Variants in ADD2 observed in about 807,000 individuals in gnomAD.
The protein encoded by ADD2 is adducin 2, also known as beta-adducin.
A neutral mutation model predicts 83.0 loss-of-function variants in ADD2; 23 were observed. The ratio of observed to expected loss-of-function variants is 0.28; its 90% confidence interval spans 0.20 to 0.39. The LOEUF is 0.39. ADD2 is among the 10% of genes least tolerant of loss of function. The probability of loss-of-function intolerance (pLI) is 1.00; values close to 1 mark genes in which losing one functional copy is unlikely to be tolerated. For missense variants in ADD2, 758 were observed against 944.9 expected (o/e 0.80, Z 2.59); for synonymous variants, 375 against 375.4 (o/e 1.00, Z 0.01).
At chr2:70,726,152 A>C (rs1553378224) in intron 1 of ADD2, among the ~76,000 whole-genome samples, 1 of 127,000 alleles carries the variant, frequency 7.9e-6, no homozygotes, top group Non-Finnish European at 1.5e-5. Flanking sequence ...CCGCCACGGC[A>C]CTCCAGCCTG....
chr2:70,685,986 C>A lies in ADD2; in HGVS notation c.948+2038G>T, dbSNP rs374688607. On this transcript the variant is annotated intron_variant, in intron 9 of 15. Coordinates refer to ENST00000264436, the MANE Select transcript of ADD2 (RefSeq NM_001617.4). ...GATGGGGATCAGAGAGAACACCATC[C>A]CCAGGAGAAATAAATAGGCTCTCAG... 2.0e-4 allele frequency among the ~76,000 whole-genome samples: 30 copies of A among 152,310 alleles called. No individual in the cohort carries two copies. In the South Asian group the frequency reaches 3.5e-3, roughly 18 times the overall value.
Position 70,659,062 on chromosome 2 carries a change from G to A in ADD2, c.*4363C>T, listed in dbSNP as rs1553364570. On this transcript the variant is annotated 3_prime_UTR_variant, in exon 16 of 16. Coordinates refer to ENST00000264436, the MANE Select transcript of ADD2 (RefSeq NM_001617.4). ...GGAGGCTGAGACAGAAGAATCGCTT[G>A]AAAAACCGGGAGGCAGAGGTTGCAG... 3 of 138,594 alleles carry A rather than the reference G, an allele frequency of 2.2e-5. No homozygotes were observed. Among genetic ancestry groups the A allele is most frequent in the African/African-American group, 7.9e-5 (3 of 37,882 alleles). 8.6% of individuals were successfully genotyped at this position (138,594 alleles called of 1,614,324 possible). A position where few individuals can be genotyped will look rare whatever the true frequency, so the allele number is the denominator to read the frequency against.
chr2:70,719,021 C>A (rs908381972), intron 1 of ADD2, among the ~76,000 whole-genome samples: 3 of 152,218 alleles, frequency 2.0e-5, no homozygotes, highest in Non-Finnish European at 4.4e-5. Flanking sequence ...TCTTCCCCAG[C>A]ACAGAAATGG....
At chr2:70,723,979 G>C (rs183331691) in intron 1 of ADD2, among the ~76,000 whole-genome samples, 164 of 152,314 alleles carry the variant, frequency 1.1e-3, no homozygotes, top group Admixed American at 2.3e-3. Flanking sequence ...TTCATATACT[G>C]GTTAGCAAAC....
chr2:70,696,213 T>C (rs782127296), intron 5 of ADD2, 32 bp downstream of exon 5: 1 of 1,600,576 alleles, frequency 6.2e-7, no homozygotes, highest in Admixed American at 1.7e-5. Context: ...CCACATGCAG[T>C]GCCCCACCCA....
At chr2:70,710,347 A>C (rs2024458) in intron 2 of ADD2, among the ~76,000 whole-genome samples, 1 of 152,082 alleles carries the variant, frequency 6.6e-6, no homozygotes, top group South Asian at 2.1e-4. Context: ...CCAGTAACTG[A>C]TCTGTGAAGG....
rs781842295 is a variant in ADD2, at chr2:70,690,925, G to A, written c.710C>T (p.Ser237Leu). Reference protein sequence around the residue: ...HLHTPATAAVSAMKWGLLPVS... With the variant: ...HLHTPATAAVLAMKWGLLPVS... ...AGGCAGGAGGCCCCACTTCATGGCC[G>A]ACACCTTAGAGAGACAATGGCATGG... is the stretch of plus-strand genomic sequence containing the variant. Residue 237 changes from serine (S) to leucine (L), a missense_variant, in exon 8 of 16, where the codon TCG becomes TTG. Physicochemically the swap from Ser to Leu is moderately radical, Grantham distance 145. Coordinates refer to ENST00000264436, the MANE Select transcript of ADD2 (RefSeq NM_001617.4). The A allele has an allele frequency of 2.5e-6, 4 of 1,611,068 alleles. No homozygotes were observed. Among genetic ancestry groups the A allele is most frequent in the African/African-American group, 2.7e-5 (2 of 74,834 alleles).
At chr2:70,666,094 G>A (rs1323464254) in intron 15 of ADD2, among the ~76,000 whole-genome samples, 6 of 152,112 alleles carry the variant, frequency 3.9e-5, no homozygotes, top group East Asian at 1.9e-4. Flanking sequence ...GATTACAGGC[G>A]TGAGCCACTG....
intron 1 of ADD2, among the ~76,000 whole-genome samples, chr2:70,757,206 A>G (rs1395277632): frequency 2.0e-5 from 3 of 152,080 alleles, no homozygotes; most frequent in African/African-American, 4.8e-5. Context: ...CAGTACATGC[A>G]TATTATTTTG....
At chr2:70,664,807 G>C (rs1675702158) in intron 15 of ADD2, among the ~76,000 whole-genome samples, 1 of 151,944 alleles carries the variant, frequency 6.6e-6, no homozygotes, top group African/African-American at 2.4e-5. Flanking sequence ...AAGTGTGTAA[G>C]TTTGAGTATG....
At chr2:70,697,814 T>G (rs540968534) in intron 4 of ADD2, among the ~76,000 whole-genome samples, 297 of 152,206 alleles carry the variant, frequency 2.0e-3, no homozygotes, top group Non-Finnish European at 2.2e-3. Flanking sequence ...GAGGGCAGAC[T>G]GGGTGCTGGG....
In ADD2 at chr2:70,706,080, G is replaced by A. The variant is rs1574267871; in HGVS notation, c.183+146C>T. On this transcript the variant is annotated intron_variant, in intron 3 of 15. Coordinates refer to ENST00000264436, the MANE Select transcript of ADD2 (RefSeq NM_001617.4). This position sits in a 1 kb window ranked among gnomAD's most constrained non-coding sequence, Gnocchi z 5.0. ...ACAAGGGAGAGTGTCAAGGCCCCAG[G>A]TGACCAGATCCGTCTTGCTCAGTGG... The A allele has an allele frequency of 2.3e-5, 18 of 786,250 alleles. No individual in the cohort carries two copies. In the South Asian group the frequency reaches 3.9e-4, roughly 17 times the overall value. The allele number at this position is 786,250 out of a possible 1,614,324, so 48.7% of individuals were successfully genotyped here. A position where few individuals can be genotyped will look rare whatever the true frequency, so the allele number is the denominator to read the frequency against.
chr2:70,704,156 C>T (rs1671763869), intron 4 of ADD2, among the ~76,000 whole-genome samples, 165 bp downstream of exon 4: 1 of 152,258 alleles, frequency 6.6e-6, no homozygotes, highest in African/African-American at 2.4e-5. Flanking sequence ...AGAAGCAGAG[C>T]CAGGTACCTC....
At chr2:70,672,854 C>G in intron 15 of ADD2, 24 bp downstream of exon 15, 1 of 1,599,742 alleles carries the variant, frequency 6.3e-7, no homozygotes, top group South Asian at 1.1e-5. Flanking sequence ...CTCCCTCCCT[C>G]CCAGCCTACT....
intron 1 of ADD2, among the ~76,000 whole-genome samples, chr2:70,742,541 A>G (rs549634359): frequency 1.4e-4 from 21 of 152,248 alleles, no homozygotes; most frequent in Non-Finnish European, 1.9e-4. Context: ...AAATATGACG[A>G]TATCTGCAAT....
chr2:70,724,167 T>C (rs935112020), intron 1 of ADD2, among the ~76,000 whole-genome samples: 1 of 152,176 alleles, frequency 6.6e-6, no homozygotes, highest in Non-Finnish European at 1.5e-5. Context: ...TGGGGTGGAC[T>C]CAATATACAT....
chr2:70,739,147 A>G (rs1191358664), intron 1 of ADD2, among the ~76,000 whole-genome samples: 4 of 152,240 alleles, frequency 2.6e-5, no homozygotes, highest in African/African-American at 9.6e-5. Context: ...TGTATCTGAC[A>G]AAGGTGTAAT....
intron 9 of ADD2, among the ~76,000 whole-genome samples, chr2:70,686,711 G>A (rs1283044427): frequency 6.6e-6 from 1 of 152,150 alleles, no homozygotes; most frequent in East Asian, 1.9e-4. Flanking sequence ...CCAGTCAGTG[G>A]TCAGAGCTTA....
chr2:70,664,715 GTA>G (rs1675688381), intron 15 of ADD2, among the ~76,000 whole-genome samples: 1 of 151,654 alleles, frequency 6.6e-6, no homozygotes, highest in Non-Finnish European at 1.5e-5. Context: ...GTGTGAGTGT[GTA>G]CAAGTGTGTG....
Sources: gnomAD v4.1 joint callset for allele counts (sites outside exome capture counted in the v4.1 genomes callset) on GRCh38, gnomAD v4.1.1 for gene constraint, Gnocchi (gnomAD v3.1) non-coding constraint, MANE v1.5 for transcripts, NCBI Gene and HGNC (gene_info 2026-07-23, HGNC 2026-07-21) for gene names.